Variants in STRC observed in about 807,000 individuals in gnomAD.
STRC encodes the protein stereocilin.
Under a neutral mutation model 103.5 loss-of-function variants are expected in STRC, and 43 were observed. The observed-to-expected ratio is 0.42, with a 90% CI of 0.33 to 0.54. The LOEUF (loss-of-function observed/expected upper bound fraction) is 0.54, where lower values mean the gene tolerates loss of function less well. STRC is among the 20% of genes least tolerant of loss of function. The probability of loss-of-function intolerance (pLI) is 0.14; values close to 1 mark genes in which losing one functional copy is unlikely to be tolerated. For synonymous variants in STRC, 186 were observed against 442.3 expected, an observed-to-expected ratio of 0.42 and a Z score of 7.27; for missense variants, 499 against 1,088.5, an observed-to-expected ratio of 0.46 and a Z score of 7.62.
chr15:43,602,821 A>G (rs2085681463), intron 23 of STRC, among the ~76,000 whole-genome samples: 1 of 150,974 alleles, frequency 6.6e-6, no homozygotes, highest in Non-Finnish European at 1.5e-5. Context: ...ACTTTTTTGT[A>G]TTTTTAGTAG....
chr15:43,603,437 G>A (rs372710819), intron 22 of STRC, 26 bp from the exon 23 acceptor site: 1 of 1,608,850 alleles, frequency 6.2e-7, no homozygotes, highest in Non-Finnish European at 8.5e-7. Flanking sequence ...AGGGCCAGGA[G>A]GTCAGCGCAG....
Position 43,605,155 on chromosome 15 carries a change from G to A in STRC, c.3930+109C>T, listed in dbSNP as rs139538984. On this transcript the variant is annotated intron_variant, in intron 19 of 28. Transcript: ENST00000450892. ...GGCCTTGTAGACAGGAATCTGTTTG[G>A]CAGCAAGAAAGCAAGAAGTAGAGGG... is the stretch of plus-strand genomic sequence containing the variant. 628 of 1,550,416 alleles carry A rather than the reference G, an allele frequency of 4.1e-4. 14 individuals carry two copies. The East Asian group carries it at 0.015, about 37-fold the overall frequency.
intron 18 of STRC, among the ~76,000 whole-genome samples, chr15:43,606,944 G>A (rs2085714046): frequency 1.7e-5 from 2 of 115,656 alleles, no homozygotes; most frequent in South Asian, 6.3e-4. Context: ...AGGTTGCAGT[G>A]AGCCGAGATC....
chr15:43,610,960 C>A lies in STRC; in HGVS notation c.3331G>T (p.Gly1111Cys), dbSNP rs1421230231. ...FRVKDGVKNM[G>C]TTGAGPAVCI... ...ACAGCTGGACCAGCACCTGTTGTAC[C>A]CATATTTTTAACACCATCTTTAACC... Residue 1111 changes from glycine (G) to cysteine (C), a missense_variant, in exon 14 of 29, where the codon GGT (glycine) becomes TGT (cysteine). Coordinates refer to ENST00000450892, the MANE Select transcript of STRC (RefSeq NM_153700.2). The A allele has an allele frequency of 6.2e-7, 1 of 1,611,794 alleles. No individual in the cohort carries two copies. The highest frequency in any genetic ancestry group is 8.5e-7 in the Non-Finnish European group (1 of 1,178,786).
chr15:43,609,591 T>C, intron 15 of STRC: 2 of 504,970 alleles, frequency 4.0e-6, no homozygotes, highest in South Asian at 4.2e-5. Context: ...GGCTCAGGTC[T>C]GTAATCCCAG....
intron 23 of STRC, 59 bp downstream of exon 23, chr15:43,603,183 C>G: frequency 6.4e-7 from 1 of 1,571,180 alleles, no homozygotes; most frequent in Non-Finnish European, 8.7e-7. Context: ...TCTTTGTGTC[C>G]TACATCACAC....
intron 18 of STRC, among the ~76,000 whole-genome samples, chr15:43,606,593 C>G (rs1237598829): frequency 2.1e-5 from 3 of 145,654 alleles, no homozygotes; most frequent in Non-Finnish European, 4.5e-5. Flanking sequence ...GAGCGAGACT[C>G]TGTCTCAAAA....
At position 43,600,894 on chromosome 15, in the gene STRC, G is replaced by A; in HGVS notation, c.4822C>T (p.His1608Tyr). Reference protein sequence around the residue: ...LCGLRPEELQHISSWEFSQAA... With the variant: ...LCGLRPEELQYISSWEFSQAA... The stretch of plus-strand genomic sequence containing the variant: ...GACCTGAACTCCCAACTGCTGATGT[G>A]CTGGAGCTCCTCTGGCCGCAGTCCA... Residue 1608 changes from histidine to tyrosine, a missense_variant, in exon 25 of 29, where the codon CAC becomes TAC. Coordinates refer to ENST00000450892, the MANE Select transcript of STRC (RefSeq NM_153700.2). The A allele has an allele frequency of 6.2e-7, 1 of 1,612,990 alleles. No individual in the cohort carries two copies. Among genetic ancestry groups the A allele is most frequent in the Non-Finnish European group, 8.5e-7 (1 of 1,179,734 alleles).
chr15:43,617,139 C>CT (rs2085763085), intron 3 of STRC, among the ~76,000 whole-genome samples: 1 of 138,444 alleles, frequency 7.2e-6, no homozygotes, highest in African/African-American at 2.9e-5. Context: ...TTATTAAGCG[C>CT]TATGTGCCAG....
chr15:43,604,875 T>G (rs1461496071), intron 19 of STRC, 29 bp from the exon 20 acceptor site: 2 of 1,583,144 alleles, frequency 1.3e-6, no homozygotes, highest in African/African-American at 2.7e-5. Context: ...ACTTGGACAA[T>G]GCACTTCTGA....
chr15:43,603,695 T>A (rs555773661), intron 22 of STRC: 3 of 642,982 alleles, frequency 4.7e-6, no homozygotes, highest in South Asian at 2.0e-5. Flanking sequence ...CAATGTCTCC[T>A]TCAAAGCTTC....
In STRC at chr15:43,606,203, T is replaced by C. The variant is rs1026955540; in HGVS notation, c.3795-804A>G. Among the ~76,000 whole-genome samples the C allele has an allele frequency of 2.1e-3, 73 of 35,046 alleles. 4 individuals carry two copies. The highest frequency in any genetic ancestry group is 1.0e-3 in the South Asian group (1 of 968). 23.0% of individuals were successfully genotyped at this position (35,046 alleles called of 152,430 possible). A position where few individuals can be genotyped will look rare whatever the true frequency, so the allele number is the denominator to read the frequency against. ...TTCTTTCACAAATGAGAAACTCAAG[T>C]TTTTTGATGCATGGTCTAGGATCTT... On this transcript the variant is annotated intron_variant, in intron 18 of 28. Coordinates refer to ENST00000450892, the MANE Select transcript of STRC (RefSeq NM_153700.2).
chr15:43,602,970 A>G (rs1341253433), intron 23 of STRC, among the ~76,000 whole-genome samples: 2 of 151,654 alleles, frequency 1.3e-5, no homozygotes, highest in Non-Finnish European at 2.9e-5. Flanking sequence ...TTTTTTAAGA[A>G]AGAAAAAAAA....
At chr15:43,603,628 G>A in intron 22 of STRC, 1 of 654,178 alleles carries the variant, frequency 1.5e-6, no homozygotes, top group South Asian at 1.8e-5. Flanking sequence ...GAAGACTGAG[G>A]ATGTTATTCA....
chr15:43,605,271 T>C lies in STRC; in HGVS notation c.3923A>G (p.Gln1308Arg), dbSNP rs756615552. 3 of 1,586,246 alleles carry C rather than the reference T, an allele frequency of 1.9e-6. No homozygotes were observed. In the South Asian group the frequency reaches 3.4e-5, roughly 18 times the overall value. The change falls in exon 19 of 29, where the codon CAA becomes CGA. Residue 1308 changes from glutamine (Q) to arginine (R), a missense_variant. Coordinates refer to ENST00000450892, the MANE Select transcript of STRC (RefSeq NM_153700.2). ...GGTAGGGTGGACTCTTACCAGGTTT[T>C]GTAGTGCCCTCTCTGCCAGGGCTGC... is the stretch of plus-strand genomic sequence containing the variant. ...HQAALAERAL[Q>R]NLAPKETPVS...
rs770943687 is a variant in STRC, at chr15:43,600,628, C to T, written c.4899G>A (p.Leu1633=). The stretch of plus-strand genomic sequence containing the variant: ...GTACAAGTAGGTGGGCCAGAACCTC[C>T]AGTTGTTCCTCAGAGCACTGGAGAT... ...TLHLQCSEEQ[L]EVLAHLLVLP... is the part of the protein sequence containing the mutation. Residue 1633 remains leucine (L), a synonymous_variant, in exon 26 of 29, where the codon CTG becomes CTA. Transcript: ENST00000450892. 2 of 1,613,796 alleles carry T rather than the reference C, an allele frequency of 1.2e-6. No individual in the cohort carries two copies. The highest frequency in any genetic ancestry group is 1.1e-5 in the South Asian group (1 of 91,056).
intron 24 of STRC, 51 bp downstream of exon 24, chr15:43,601,345 G>A (rs1162786965): frequency 1.2e-6 from 2 of 1,610,034 alleles, no homozygotes; most frequent in Non-Finnish European, 1.7e-6. Context: ...TATAGGGCTG[G>A]GTCTGTGGGA....
At chr15:43,604,952 C>G in intron 19 of STRC, 106 bp from the exon 20 acceptor site, 1 of 1,487,632 alleles carries the variant, frequency 6.7e-7, no homozygotes, top group South Asian at 1.2e-5. Context: ...CTGCTCCCAG[C>G]TCAGCACCCT....
Position 43,602,569 on chromosome 15 carries a change from A to C in STRC, c.4545+673T>G, listed in dbSNP as rs1026486288. On this transcript the variant is annotated intron_variant, in intron 23 of 28. Coordinates refer to ENST00000450892, the MANE Select transcript of STRC (RefSeq NM_153700.2). ...TGCTCAGTTCAGCAGCACATACCCC[A>C]AAAAATTGGAATGATACAGAGATTT... 17 of 153,816 alleles carry C rather than the reference A, an allele frequency of 1.1e-4. 1 individual carries two copies. Among genetic ancestry groups the C allele is most frequent in the East Asian group, 3.8e-4 (2 of 5,202 alleles). 9.5% of individuals were successfully genotyped at this position (153,816 alleles called of 1,614,324 possible). A position where few individuals can be genotyped will look rare whatever the true frequency, so the allele number is the denominator to read the frequency against.
Sources: gnomAD v4.1 joint callset for allele counts (sites outside exome capture counted in the v4.1 genomes callset) on GRCh38, gnomAD v4.1.1 for gene constraint, MANE v1.5 for transcripts, NCBI Gene and HGNC (gene_info 2026-07-23, HGNC 2026-07-21) for gene names.